The following XRRA1 variants were observed in gnomAD, a reference collection of about 807,000 sequenced individuals.
XRRA1 encodes the protein X-ray radiation resistance-associated protein 1.
Under a neutral mutation model 80.2 loss-of-function variants are expected in XRRA1, and 69 were observed. That is an observed-to-expected ratio of 0.86 (90% confidence interval 0.71 to 1.05). The LOEUF (loss-of-function observed/expected upper bound fraction) is 1.05, where lower values mean the gene tolerates loss of function less well. Ranked by LOEUF, XRRA1 falls within the 50% of genes least tolerant of loss-of-function variation. The pLI is 0.00. For synonymous variants in XRRA1, 348 were observed against 389.9 expected (o/e 0.89, Z 1.27); for missense variants, 967 against 976.4 (o/e 0.99, Z 0.13).
At chr11:74,930,452 C>T in intron 5 of XRRA1, 80 bp from the exon 6 acceptor site, 1 of 1,134,560 alleles carries the variant, frequency 8.8e-7, no homozygotes, top group Non-Finnish European at 1.2e-6. Context: ...AGCTTCAGGG[C>T]CACTGTCAGA....
intron 10 of XRRA1, among the ~76,000 whole-genome samples, chr11:74,871,250 A>G (rs1021552339): frequency 1.3e-5 from 2 of 152,212 alleles, no homozygotes; most frequent in African/African-American, 4.8e-5. Context: ...CCTGCATCCA[A>G]GAGTAGCACC....
chr11:74,933,260 C>T (rs7102619), intron 5 of XRRA1: 38,609 of 151,818 alleles, frequency 0.25, 5,811 homozygotes, highest in East Asian at 0.53. Context: ...ATTTTCTTTT[C>T]TTTTCTTTTT....
intron 10 of XRRA1, among the ~76,000 whole-genome samples, chr11:74,904,519 T>C (rs1220159645): frequency 1.3e-5 from 2 of 151,704 alleles, no homozygotes; most frequent in Non-Finnish European, 2.9e-5. Context: ...ATGAGATTTC[T>C]TGCTTTAAAC....
chr11:74,914,079 A>T (rs994281224), intron 8 of XRRA1, among the ~76,000 whole-genome samples: 2 of 152,132 alleles, frequency 1.3e-5, no homozygotes, highest in Non-Finnish European at 2.9e-5. Context: ...ACTGCCTCCC[A>T]GGTTCAAGCG....
chr11:74,888,312 G>C (rs1216942622), intron 10 of XRRA1, among the ~76,000 whole-genome samples: 2 of 152,106 alleles, frequency 1.3e-5, no homozygotes, highest in African/African-American at 2.4e-5. Context: ...AGGCAAACAG[G>C]GTCTAGAGTG....
chr11:74,937,789 T>G (rs2139783428), intron 3 of XRRA1, among the ~76,000 whole-genome samples: 1 of 152,260 alleles, frequency 6.6e-6, no homozygotes, highest in African/African-American at 2.4e-5. Context: ...TGTAATTATT[T>G]TATTTGTTCA....
chr11:74,910,447 T>C (rs564987770), intron 8 of XRRA1, among the ~76,000 whole-genome samples: 45 of 151,962 alleles, frequency 3.0e-4, no homozygotes, highest in African/African-American at 9.7e-4. Context: ...AAACAAGCAA[T>C]AGAGTAGTCT....
At chr11:74,927,511 G>C (rs759159951) in intron 6 of XRRA1, 23 bp from the exon 7 acceptor site, 10 of 1,483,374 alleles carry the variant, frequency 6.7e-6, no homozygotes, top group South Asian at 5.7e-5. Context: ...GAGAAAGAGA[G>C]AGTCTGCAGC....
chr11:74,939,033 A>G (rs1164952550), intron 3 of XRRA1, among the ~76,000 whole-genome samples: 1 of 152,174 alleles, frequency 6.6e-6, no homozygotes, highest in Non-Finnish European at 1.5e-5. Flanking sequence ...CATTCCTTCT[A>G]CATTTTCTAG....
At chr11:74,932,814 A>G (rs1390996871) in intron 5 of XRRA1, among the ~76,000 whole-genome samples, 1 of 152,228 alleles carries the variant, frequency 6.6e-6, no homozygotes, top group Non-Finnish European at 1.5e-5. Context: ...CTCAATTCTG[A>G]AAACATGAGT....
chr11:74,904,467 GA>G (rs200123565), intron 10 of XRRA1, among the ~76,000 whole-genome samples: 1,443 of 125,894 alleles, frequency 0.011, 14 homozygotes, highest in African/African-American at 0.036. Context: ...TCTCTAAAAA[GA>G]AAAAAAAAAA....
chr11:74,869,948 A>C (rs989179578), intron 10 of XRRA1, among the ~76,000 whole-genome samples: 4 of 152,146 alleles, frequency 2.6e-5, no homozygotes, highest in African/African-American at 7.2e-5. Context: ...TGAGACAACA[A>C]ACCTCGGGTA....
intron 12 of XRRA1, among the ~76,000 whole-genome samples, chr11:74,852,528 C>T (rs2040131349): frequency 6.6e-6 from 1 of 152,230 alleles, no homozygotes; most frequent in Non-Finnish European, 1.5e-5. Context: ...GCACAAACCT[C>T]TACACACTTC....
Position 74,936,883 on chromosome 11 carries a change from C to G in XRRA1, c.279+1G>C. 6.2e-7 allele frequency: 1 copy of G among 1,612,752 alleles called. No homozygotes were observed. The highest frequency in any genetic ancestry group is 8.5e-7 in the Non-Finnish European group (1 of 1,179,430). On this transcript the variant is annotated splice_donor_variant, in intron 4 of 18. Coordinates refer to ENST00000684022, the MANE Select transcript of XRRA1 (RefSeq NM_001378157.1). LOFTEE classifies it high-confidence loss of function. ...CCACTCCAGGATGCATTTACTCTCACCAGAAAAGCCTGGTCCAGGATATGT... is the reference window on the plus strand; with the variant it reads ...CCACTCCAGGATGCATTTACTCTCAGCAGAAAAGCCTGGTCCAGGATATGT...
chr11:74,936,516 C>G (rs1320326076), intron 4 of XRRA1, among the ~76,000 whole-genome samples: 3 of 152,238 alleles, frequency 2.0e-5, no homozygotes, highest in Non-Finnish European at 2.9e-5. Context: ...GTTTTTACCT[C>G]ATATAATGTA....
intron 2 of XRRA1, among the ~76,000 whole-genome samples, chr11:74,942,525 T>A (rs1399187700): frequency 1.3e-5 from 2 of 152,180 alleles, no homozygotes; most frequent in Non-Finnish European, 2.9e-5. Flanking sequence ...TAGGGGGACA[T>A]GTGCTCTCTC....
chr11:74,842,508 T>C lies in XRRA1; in HGVS notation c.*692A>G, dbSNP rs1206199228. On this transcript the variant is annotated 3_prime_UTR_variant, in exon 19 of 19. Coordinates refer to ENST00000684022, the MANE Select transcript of XRRA1 (RefSeq NM_001378157.1). ...CTGTGTGTGGATTTTTGGTGCTGTA[T>C]GTGCTCTGGGAGATGCCCCATGTTG... is the stretch of plus-strand genomic sequence containing the variant. The C allele has an allele frequency of 6.6e-6, 1 of 152,312 alleles. No homozygotes were observed. Among genetic ancestry groups the C allele is most frequent in the African/African-American group, 2.4e-5 (1 of 41,464 alleles). The allele number at this position is 152,312 out of a possible 1,614,324, so 9.4% of individuals were successfully genotyped here.
intron 11 of XRRA1, among the ~76,000 whole-genome samples, chr11:74,861,378 C>T (rs1269520260): frequency 6.6e-6 from 1 of 152,196 alleles, no homozygotes; most frequent in African/African-American, 2.4e-5. Flanking sequence ...CCTGTCGGAT[C>T]AGCAGTGGCA....
At position 74,851,167 on chromosome 11, in the gene XRRA1, C is replaced by G; in HGVS notation, c.1301G>C (p.Arg434Pro). The G allele has an allele frequency of 6.2e-7, 1 of 1,613,008 alleles. No homozygotes were observed. The highest frequency in any genetic ancestry group is 8.5e-7 in the Non-Finnish European group (1 of 1,179,426). Reference sequence around the variant, plus strand: ...CCTTCGAATTAAGTGGATTCCCAGTCGCTCCTGGAGGAAGCTCTTCAGCAG... The same window carrying G: ...CCTTCGAATTAAGTGGATTCCCAGTGGCTCCTGGAGGAAGCTCTTCAGCAG... ...PPLLKSFLQE[R>P]LGIHLIRRKI... is the part of the protein sequence containing the mutation. The change falls in exon 14 of 19, where the codon CGA becomes CCA. Residue 434 changes from arginine (R) to proline (P), a missense_variant. By Grantham distance (103) the Arg-to-Pro change is moderately radical. Coordinates refer to ENST00000684022, the MANE Select transcript of XRRA1 (RefSeq NM_001378157.1).
Sources: gnomAD v4.1 joint callset for allele counts (sites outside exome capture counted in the v4.1 genomes callset) on GRCh38, gnomAD v4.1.1 for gene constraint, MANE v1.5 for transcripts, NCBI Gene and HGNC (gene_info 2026-07-23, HGNC 2026-07-21) for gene names.